Variants in RPL28 observed in about 807,000 individuals in gnomAD.
The protein encoded by RPL28 is ribosomal protein L28.
A neutral mutation model predicts 12.5 loss-of-function variants in RPL28; 4 were observed. The observed-to-expected ratio is 0.32, with a 90% CI of 0.16 to 0.73. The LOEUF (loss-of-function observed/expected upper bound fraction) is 0.73, where lower values mean the gene tolerates loss of function less well. Among genes scored for constraint, RPL28 ranks in the 30% least tolerant of loss-of-function variants. The pLI, the probability that RPL28 is intolerant of heterozygous loss-of-function variation, is 0.66. For synonymous variants in RPL28, 91 were observed against 72.5 expected (o/e 1.26, Z -1.30); for missense variants, 214 against 197.7 (o/e 1.08, Z -0.49).
chr19:55,385,949 C>G lies in RPL28; in HGVS notation c.-25C>G, dbSNP rs954977173. On this transcript the variant is annotated 5_prime_UTR_variant, in exon 1 of 5. Transcript: ENST00000344063. ...TCGCCTTCCTCTTTCCGTCTCAGGT[C>G]GCCGCTGCGAAGGGAGGTGAGCGTT... 2 of 239,632 alleles carry G rather than the reference C, an allele frequency of 8.3e-6. No individual in the cohort carries two copies. The highest frequency in any genetic ancestry group is 9.8e-5 in the Admixed American group (2 of 20,422). 14.8% of individuals were successfully genotyped at this position (239,632 alleles called of 1,614,324 possible).
At position 55,391,909 on chromosome 19, in the gene RPL28, T is replaced by C; in HGVS notation, c.*3577T>C. On this transcript the variant is annotated 3_prime_UTR_variant, in exon 5 of 5. Transcript: ENST00000344063. Reference sequence around the variant, plus strand: ...TGCAGTAATGCCTGGTGGCTCCAGGTCTGCCCCGCCGTCCTGTGGGGCTGT... The same window carrying C: ...TGCAGTAATGCCTGGTGGCTCCAGGCCTGCCCCGCCGTCCTGTGGGGCTGT... The C allele has an allele frequency of 1.5e-6, 2 of 1,320,762 alleles. No individual in the cohort carries two copies. The highest frequency in any genetic ancestry group is 1.9e-6 in the Non-Finnish European group (2 of 1,030,570). 81.8% of individuals were successfully genotyped at this position (1,320,762 alleles called of 1,614,324 possible). A position where few individuals can be genotyped will look rare whatever the true frequency, so the allele number is the denominator to read the frequency against.
exon 5 of RPL28, chr19:55,402,970 G>A: frequency 1.3e-6 from 2 of 1,534,740 alleles, no homozygotes; most frequent in Non-Finnish European, 1.7e-6. Context: ...GAGGCAGCAG[G>A]CTGTAAGCAG....
In RPL28 at chr19:55,392,055, A is replaced by C; in HGVS notation, c.*3723A>C. On this transcript the variant is annotated 3_prime_UTR_variant, in exon 5 of 5. Coordinates refer to ENST00000344063, the MANE Select transcript of RPL28 (RefSeq NM_000991.5). Reference sequence around the variant, plus strand: ...CAATTCCCCTGTTTCTCTTGTAGCCAGTTACTAGAATAAAATCATCTACTT... The same window carrying C: ...CAATTCCCCTGTTTCTCTTGTAGCCCGTTACTAGAATAAAATCATCTACTT... 9.7e-7 allele frequency: 1 copy of C among 1,033,188 alleles called. No individual in the cohort carries two copies. The highest frequency in any genetic ancestry group is 1.2e-6 in the Non-Finnish European group (1 of 861,242). 64.0% of individuals were successfully genotyped at this position (1,033,188 alleles called of 1,614,324 possible). A position where few individuals can be genotyped will look rare whatever the true frequency, so the allele number is the denominator to read the frequency against.
downstream of RPL28, among the ~76,000 whole-genome samples, chr19:55,394,558 G>C (rs2090010569): frequency 6.6e-6 from 1 of 151,414 alleles, no homozygotes; most frequent in African/African-American, 2.4e-5. Flanking sequence ...ACTGCACCTA[G>C]CCCAGAATTT....
rs750061593 is a variant in RPL28, at chr19:55,401,618, C to A, written c.325-1325C>A. On this transcript the variant is annotated intron_variant, in intron 4 of 4. Transcript: ENST00000560055. ...AGGGCCCGACCGGCTTCGGCCCTGC[C>A]GCTGGGCCCGCCGGCGCCCCCGTGG... is the stretch of plus-strand genomic sequence containing the variant. 4 of 1,605,506 alleles carry A rather than the reference C, an allele frequency of 2.5e-6. No homozygotes were observed. In the Admixed American group the frequency reaches 5.1e-5, roughly 20 times the overall value.
exon 5 of RPL28, chr19:55,403,243 G>A (rs2090074296): frequency 1.7e-5 from 10 of 595,534 alleles, no homozygotes; most frequent in East Asian, 2.8e-5. Flanking sequence ...CCACTGAACT[G>A]TATACTTTGG....
intron 4 of RPL28, chr19:55,399,811 T>C (rs2090044439): frequency 2.0e-5 from 3 of 152,242 alleles, no homozygotes; most frequent in African/African-American, 2.4e-5. Context: ...AGGCCCAGGA[T>C]GCAGGCACCT....
chr19:55,400,029 T>TC (rs1038217675), intron 4 of RPL28: 2 of 152,188 alleles, frequency 1.3e-5, no homozygotes, highest in African/African-American at 4.8e-5. Flanking sequence ...TGGGAGATTG[T>TC]CACTGGAGGC....
chr19:55,388,093 C>T (rs2089952309), intron 4 of RPL28, 45 bp downstream of exon 4: 8 of 1,609,366 alleles, frequency 5.0e-6, no homozygotes, highest in South Asian at 1.1e-5. Flanking sequence ...CTGGCCAGTG[C>T]TGTGGGGAAG....
chr19:55,401,915 T>C (rs2090062460), intron 4 of RPL28, among the ~76,000 whole-genome samples: 1 of 114 alleles, frequency 8.8e-3, no homozygotes, highest in Non-Finnish European at 0.017. Flanking sequence ...CCCTCATCTT[T>C]GCTCCTGTCT....
At chr19:55,396,130 G>A (rs541041058), downstream of RPL28, among the ~76,000 whole-genome samples, 36 of 151,794 alleles carry the variant, frequency 2.4e-4, no homozygotes, top group South Asian at 5.9e-3. Context: ...AATTAGCTGG[G>A]CGTGGTAGTG....
chr19:55,389,673 AAGG>A lies in RPL28; in HGVS notation c.*1344_*1346del. 1.0e-6 allele frequency: 1 copy of A among 985,516 alleles called. No homozygotes were observed. The highest frequency in any genetic ancestry group is 1.2e-6 in the Non-Finnish European group (1 of 830,004). 61.0% of individuals were successfully genotyped at this position (985,516 alleles called of 1,614,324 possible). On this transcript the variant is annotated 3_prime_UTR_variant, in exon 5 of 5. Coordinates refer to ENST00000344063, the MANE Select transcript of RPL28 (RefSeq NM_000991.5). ...GTCTGCTCCAGTCTTGCCCAGCTCG[AAGG>A]AGAGCAGATCTGACCACTTGCCAGC... is the stretch of plus-strand genomic sequence containing the variant.
chr19:55,389,145 C>T lies in RPL28; in HGVS notation c.*813C>T. ...TAGTGTTTATTACAGCTTGTGAGGC[C>T]AGGAGTTTGAGACCATCCTAGGCAA... On this transcript the variant is annotated 3_prime_UTR_variant, in exon 5 of 5. Transcript: ENST00000344063. The T allele has an allele frequency of 2.0e-6, 2 of 985,090 alleles. No individual in the cohort carries two copies. The highest frequency in any genetic ancestry group is 2.4e-6 in the Non-Finnish European group (2 of 829,712). 61.0% of individuals were successfully genotyped at this position (985,090 alleles called of 1,614,324 possible). A position where few individuals can be genotyped will look rare whatever the true frequency, so the allele number is the denominator to read the frequency against.
At chr19:55,402,954 G>C in exon 5 of RPL28, 5 of 1,533,908 alleles carry the variant, frequency 3.3e-6, no homozygotes, top group East Asian at 2.4e-5. Context: ...TTGCGGGAAG[G>C]GTTGGGAGGC....
intron 4 of RPL28, chr19:55,400,614 A>G (rs1041455919): frequency 6.6e-6 from 1 of 152,280 alleles, no homozygotes; most frequent in Non-Finnish European, 1.5e-5. Flanking sequence ...TTCTACGAGG[A>G]CTGAAATCAG....
downstream of RPL28, chr19:55,392,227 A>C (rs1050152403): frequency 2.0e-6 from 1 of 494,504 alleles, no homozygotes; most frequent in African/African-American, 2.1e-5. Context: ...ATATGCATGC[A>C]GATCTCCTCT....
chr19:55,395,342 G>T (rs553977282), downstream of RPL28, among the ~76,000 whole-genome samples: 3 of 151,788 alleles, frequency 2.0e-5, no homozygotes, highest in African/African-American at 7.2e-5. Flanking sequence ...CACCATGTTG[G>T]CCAGGCTGGT....
In RPL28 at chr19:55,389,524, C is replaced by A. The variant is rs189201870; in HGVS notation, c.*1192C>A. The stretch of plus-strand genomic sequence containing the variant: ...GAAGGACTCTGCTCCCTGTCTGAGA[C>A]CACCCCCGGCTCTGACTGAGAGTAA... On this transcript the variant is annotated 3_prime_UTR_variant, in exon 5 of 5. Coordinates refer to ENST00000344063, the MANE Select transcript of RPL28 (RefSeq NM_000991.5). The A allele has an allele frequency of 9.0e-5, 89 of 985,428 alleles. No individual in the cohort carries two copies. In the East Asian group the frequency reaches 1.5e-3, roughly 16 times the overall value. 61.0% of individuals were successfully genotyped at this position (985,428 alleles called of 1,614,324 possible).
downstream of RPL28, among the ~76,000 whole-genome samples, chr19:55,394,388 T>C (rs558835123): frequency 9.8e-5 from 14 of 143,462 alleles, no homozygotes; most frequent in Non-Finnish European, 1.7e-4. Context: ...GTCTCCGAAG[T>C]AGCTGGCACC....
Sources: gnomAD v4.1 joint callset for allele counts (sites outside exome capture counted in the v4.1 genomes callset) on GRCh38, gnomAD v4.1.1 for gene constraint, MANE v1.5 for transcripts, NCBI Gene and HGNC (gene_info 2026-07-23, HGNC 2026-07-21) for gene names.